FAT3: variants seen among roughly 807,000 people sequenced by gnomAD.
FAT3 encodes protocadherin Fat 3.
A neutral mutation model predicts 310.2 loss-of-function variants in FAT3; 95 were observed. The observed-to-expected ratio is 0.31, with a 90% confidence interval of 0.26 to 0.36. The LOEUF is 0.36. FAT3 is among the 10% of genes least tolerant of loss of function. The pLI is 1.00. For synonymous variants in FAT3, 2,314 were observed against 2,192.9 expected, an observed-to-expected ratio of 1.06 and a Z score of -1.54; for missense variants, 5,408 against 5,715.6, an observed-to-expected ratio of 0.95 and a Z score of 1.74.
At chr11:92,285,895 G>C (rs895936419) in intron 1 of FAT3, among the ~76,000 whole-genome samples, 6 of 152,100 alleles carry the variant, frequency 3.9e-5, no homozygotes, top group Non-Finnish European at 7.4e-5. Context: ...TTTCTAGAAT[G>C]TTCCACCTTG....
chr11:92,690,726 A>G (rs181179493), intron 3 of FAT3, among the ~76,000 whole-genome samples: 4 of 152,272 alleles, frequency 2.6e-5, no homozygotes, highest in Admixed American at 2.0e-4. Flanking sequence ...TGAATTTACT[A>G]TGCATGCATT....
chr11:92,255,901 T>C (rs1865297992), intron 1 of FAT3, among the ~76,000 whole-genome samples: 1 of 151,882 alleles, frequency 6.6e-6, no homozygotes, highest in Non-Finnish European at 1.5e-5. Flanking sequence ...ATGTCAGGAG[T>C]GGCTGAAACC....
At chr11:92,338,067 G>A (rs1367810948) in intron 1 of FAT3, among the ~76,000 whole-genome samples, 3 of 152,078 alleles carry the variant, frequency 2.0e-5, no homozygotes, top group African/African-American at 4.8e-5. Context: ...GAATAGTTTG[G>A]TAAAGGTTAA....
chr11:92,742,934 C>T (rs1163613681), intron 4 of FAT3, among the ~76,000 whole-genome samples: 1 of 152,166 alleles, frequency 6.6e-6, no homozygotes, highest in African/African-American at 2.4e-5. Flanking sequence ...CGGTGTTAGA[C>T]ACTGGAGGCT....
chr11:92,565,900 G>T (rs1169807081), intron 3 of FAT3, among the ~76,000 whole-genome samples: 2 of 151,982 alleles, frequency 1.3e-5, no homozygotes, highest in Middle Eastern at 3.2e-3. Context: ...AATAATAAGA[G>T]CTATCTATGA....
intron 3 of FAT3, among the ~76,000 whole-genome samples, chr11:92,574,232 C>T (rs1026228353): frequency 3.3e-5 from 5 of 152,160 alleles, no homozygotes; most frequent in African/African-American, 2.4e-5. Flanking sequence ...TGTGAAAATA[C>T]TGTAGCAACA....
intron 3 of FAT3, among the ~76,000 whole-genome samples, chr11:92,659,037 G>A (rs1177948172): frequency 6.6e-6 from 1 of 151,910 alleles, no homozygotes; most frequent in Non-Finnish European, 1.5e-5. Context: ...GCTCCTGTTT[G>A]GGGATAGGGG....
At chr11:92,744,335 C>T (rs951825724) in intron 4 of FAT3, among the ~76,000 whole-genome samples, 11 of 152,170 alleles carry the variant, frequency 7.2e-5, no homozygotes, top group South Asian at 2.1e-4. Context: ...CTTTACCACG[C>T]ATTAAAGTGT....
chr11:92,495,430 G>T (rs554462246), intron 2 of FAT3, among the ~76,000 whole-genome samples: 2 of 152,166 alleles, frequency 1.3e-5, no homozygotes, highest in African/African-American at 4.8e-5. Context: ...ATGTTGACTG[G>T]CTTGTTTGGC....
intron 2 of FAT3, among the ~76,000 whole-genome samples, chr11:92,419,435 G>C (rs2134970802): frequency 6.6e-6 from 1 of 152,220 alleles, no homozygotes; most frequent in East Asian, 1.9e-4. Context: ...GACTATTCAT[G>C]GGGCTCCAGT....
In FAT3 at chr11:92,507,837, G is replaced by A. The variant is rs4369358; in HGVS notation, c.3293-16797G>A. On this transcript the variant is annotated intron_variant, in intron 2 of 27. Coordinates refer to ENST00000525166, the MANE Select transcript of FAT3 (RefSeq NM_001367949.2). ...TGTATATGCCCCTTATAACACACACGCACACCCTGTGTGTGTTTGCATGTG... is the reference window on the plus strand; with the variant it reads ...TGTATATGCCCCTTATAACACACACACACACCCTGTGTGTGTTTGCATGTG... Among the ~76,000 whole-genome samples, 6 of 151,570 alleles carry A rather than the reference G, an allele frequency of 4.0e-5. No individual in the cohort carries two copies. In the East Asian group the frequency reaches 9.8e-4, roughly 25 times the overall value.
At chr11:92,263,044 A>T (rs7928355) in intron 1 of FAT3, among the ~76,000 whole-genome samples, 28,963 of 149,370 alleles carry the variant, frequency 0.19, 3,031 homozygotes, top group East Asian at 0.38. Flanking sequence ...CACATTGTTG[A>T]TTCTAATAAA....
intron 1 of FAT3, among the ~76,000 whole-genome samples, chr11:92,331,219 C>T (rs1947915396): frequency 6.6e-6 from 1 of 151,364 alleles, no homozygotes; most frequent in Non-Finnish European, 1.5e-5. Flanking sequence ...TGCTATTGCA[C>T]AGTTAAGTAT....
chr11:92,597,796 T>C (rs1939788465), intron 3 of FAT3, among the ~76,000 whole-genome samples: 1 of 152,194 alleles, frequency 6.6e-6, no homozygotes, highest in African/African-American at 2.4e-5. Context: ...TGGGAAAATT[T>C]TGAAATAGCA....
At chr11:92,369,782 G>A (rs1179663465) in intron 2 of FAT3, among the ~76,000 whole-genome samples, 1 of 152,086 alleles carries the variant, frequency 6.6e-6, no homozygotes, top group East Asian at 1.9e-4. Flanking sequence ...GGGAGACAAA[G>A]GTTTCAGTGA....
At chr11:92,548,061 C>A (rs560929336) in intron 3 of FAT3, among the ~76,000 whole-genome samples, 1 of 152,124 alleles carries the variant, frequency 6.6e-6, no homozygotes, top group Non-Finnish European at 1.5e-5. Context: ...CCAGATGAGA[C>A]CTTAGAGTGT....
At chr11:92,650,951 T>G (rs1942354486) in intron 3 of FAT3, among the ~76,000 whole-genome samples, 1 of 152,238 alleles carries the variant, frequency 6.6e-6, no homozygotes, top group East Asian at 1.9e-4. Flanking sequence ...GCTAGGTACC[T>G]TAACCTCATC....
intron 2 of FAT3, among the ~76,000 whole-genome samples, chr11:92,470,347 C>T (rs1192179081): frequency 6.6e-6 from 1 of 152,228 alleles, no homozygotes; most frequent in African/African-American, 2.4e-5. Flanking sequence ...ATGTCTTCCA[C>T]CATCAGTTAT....
chr11:92,422,456 T>G (rs1950551507), intron 2 of FAT3, among the ~76,000 whole-genome samples: 1 of 152,180 alleles, frequency 6.6e-6, no homozygotes, highest in African/African-American at 2.4e-5. Flanking sequence ...AAACTCCATC[T>G]TGAAGCTATA....
Sources: gnomAD v4.1 joint callset for allele counts (sites outside exome capture counted in the v4.1 genomes callset) on GRCh38, gnomAD v4.1.1 for gene constraint, MANE v1.5 for transcripts, NCBI Gene and HGNC (gene_info 2026-07-23, HGNC 2026-07-21) for gene names.